ZFPM2: variants seen among roughly 807,000 people sequenced by gnomAD.
ZFPM2 encodes the protein zinc finger protein ZFPM2.
In ZFPM2, 20 loss-of-function variants were observed where a neutral mutation model predicts 98.6. That is an observed-to-expected ratio of 0.20 (90% CI 0.14 to 0.29). The LOEUF (loss-of-function observed/expected upper bound fraction) is 0.29. Among genes scored for constraint, ZFPM2 ranks in the 10% least tolerant of loss-of-function variants. The pLI is 1.00. For missense variants in ZFPM2, 1,310 were observed against 1,388.6 expected (o/e 0.94, Z 0.90); for synonymous variants, 518 against 502.7 (o/e 1.03, Z -0.41).
intron 5 of ZFPM2, among the ~76,000 whole-genome samples, chr8:105,681,473 G>A (rs945912872): frequency 6.6e-6 from 1 of 152,198 alleles, no homozygotes; most frequent in Non-Finnish European, 1.5e-5. Flanking sequence ...TTTGTCTGTA[G>A]ATTATAAGTA....
chr8:105,722,066 T>C (rs529925754), intron 5 of ZFPM2, among the ~76,000 whole-genome samples: 1 of 151,814 alleles, frequency 6.6e-6, no homozygotes, highest in East Asian at 2.0e-4. Context: ...AATTTTACCT[T>C]TTTCCTTTTT....
At chr8:105,415,428 C>T (rs1200146323) in intron 1 of ZFPM2, among the ~76,000 whole-genome samples, 2 of 152,084 alleles carry the variant, frequency 1.3e-5, no homozygotes, top group East Asian at 3.9e-4. Context: ...ACTTGCCTGC[C>T]AAGTGGCCTC....
At chr8:105,787,383 G>A (rs185569445) in intron 5 of ZFPM2, 4 of 152,292 alleles carry the variant, frequency 2.6e-5, no homozygotes, top group Admixed American at 2.0e-4. Flanking sequence ...CAAATTTGGG[G>A]TCTGTAGTCT....
chr8:105,404,409 A>G (rs1449496469), intron 1 of ZFPM2, among the ~76,000 whole-genome samples: 1 of 152,082 alleles, frequency 6.6e-6, no homozygotes, highest in Non-Finnish European at 1.5e-5. Flanking sequence ...GCGATCTGCC[A>G]CATTCTATTT....
chr8:105,359,351 CTTTTT>C (rs1262372464), intron 1 of ZFPM2, among the ~76,000 whole-genome samples: 1 of 145,252 alleles, frequency 6.9e-6, no homozygotes, highest in African/African-American at 2.5e-5. Context: ...TCTTTCTTTT[CTTTTT>C]CTTTTTCTTT....
intron 5 of ZFPM2, among the ~76,000 whole-genome samples, chr8:105,637,879 C>T (rs927810391): frequency 2.6e-5 from 4 of 151,648 alleles, no homozygotes; most frequent in Non-Finnish European, 5.9e-5. Flanking sequence ...TTCGTAATGC[C>T]TATATTATTT....
intron 5 of ZFPM2, among the ~76,000 whole-genome samples, chr8:105,772,346 C>T (rs186237428): frequency 3.3e-5 from 5 of 152,132 alleles, no homozygotes; most frequent in African/African-American, 1.2e-4. Flanking sequence ...TATAAGGATG[C>T]TCAGGTAAAA....
At chr8:105,650,100 C>A (rs1817138797) in intron 5 of ZFPM2, among the ~76,000 whole-genome samples, 1 of 152,036 alleles carries the variant, frequency 6.6e-6, no homozygotes, top group African/African-American at 2.4e-5. Context: ...AGACTAAAGT[C>A]TTGGGAGGGT....
intron 5 of ZFPM2, among the ~76,000 whole-genome samples, chr8:105,690,153 G>A (rs576051589): frequency 6.0e-4 from 91 of 152,300 alleles, no homozygotes; most frequent in African/African-American, 1.9e-3. Flanking sequence ...AGAGGTTACC[G>A]TCTTCACTTT....
intron 1 of ZFPM2, among the ~76,000 whole-genome samples, chr8:105,363,897 T>TTACA (rs1563622534): frequency 6.6e-6 from 1 of 152,132 alleles, no homozygotes; most frequent in African/African-American, 2.4e-5. Flanking sequence ...TAAAATTAAC[T>TTACA]TAATTTATAA....
intron 3 of ZFPM2, among the ~76,000 whole-genome samples, chr8:105,496,924 G>A (rs1813480175): frequency 7.1e-6 from 1 of 141,234 alleles, no homozygotes; most frequent in Non-Finnish European, 1.5e-5. Flanking sequence ...AGAGGTTGCA[G>A]TGAGCCCAGA....
chr8:105,366,892 G>A (rs200792781), intron 1 of ZFPM2, among the ~76,000 whole-genome samples: 1 of 148,240 alleles, frequency 6.7e-6, no homozygotes, highest in African/African-American at 2.5e-5. Flanking sequence ...ATCTTGAATT[G>A]ATTTTTGTAT....
At chr8:105,769,176 CA>C (rs1812928067) in intron 5 of ZFPM2, among the ~76,000 whole-genome samples, 4 of 151,978 alleles carry the variant, frequency 2.6e-5, no homozygotes, top group Admixed American at 2.6e-4. Context: ...CTCCAAAACA[CA>C]TATTCACCTA....
intron 4 of ZFPM2, among the ~76,000 whole-genome samples, chr8:105,566,835 C>T (rs6469006): frequency 0.68 from 103,095 of 152,036 alleles, 36,516 homozygotes; most frequent in African/African-American, 0.91. Context: ...TGAAATTTGA[C>T]AGAGAAATCT....
chr8:105,660,477 A>C (rs892931645), intron 5 of ZFPM2, among the ~76,000 whole-genome samples: 1 of 152,222 alleles, frequency 6.6e-6, no homozygotes, highest in African/African-American at 2.4e-5. Flanking sequence ...GGATTAAAGC[A>C]AGACAATAAT....
intron 5 of ZFPM2, among the ~76,000 whole-genome samples, chr8:105,749,433 A>G (rs1367412325): frequency 6.6e-6 from 1 of 152,030 alleles, no homozygotes; most frequent in Non-Finnish European, 1.5e-5. Context: ...AAAGGACAAA[A>G]TTGTTTCTGT....
intron 5 of ZFPM2, among the ~76,000 whole-genome samples, chr8:105,729,091 G>T (rs1372230581): frequency 6.6e-6 from 1 of 151,598 alleles, no homozygotes; most frequent in Non-Finnish European, 1.5e-5. Flanking sequence ...ATTTCAAAGT[G>T]TCATATTTGA....
intron 5 of ZFPM2, among the ~76,000 whole-genome samples, chr8:105,687,591 A>G (rs1810770474): frequency 6.6e-6 from 1 of 152,178 alleles, no homozygotes; most frequent in Non-Finnish European, 1.5e-5. Flanking sequence ...TTCACAGTAC[A>G]ATTATGTGTG....
intron 5 of ZFPM2, among the ~76,000 whole-genome samples, chr8:105,664,520 G>A (rs1174666725): frequency 1.3e-5 from 2 of 152,102 alleles, no homozygotes; most frequent in Non-Finnish European, 2.9e-5. Context: ...TTTTATTAAA[G>A]ATGGGGTTTC....
Sources: allele counts gnomAD v4.1 joint callset (sites outside exome capture counted in the v4.1 genomes callset), GRCh38; gene constraint gnomAD v4.1.1; transcripts MANE v1.5; gene names NCBI Gene and HGNC (gene_info 2026-07-23, HGNC 2026-07-21).